MAN1A2: variants seen among roughly 807,000 people sequenced by gnomAD.
MAN1A2 encodes mannosyl-oligosaccharide 1,2-alpha-mannosidase IB.
A neutral mutation model predicts 75.7 loss-of-function variants in MAN1A2; 26 were observed. That is an observed-to-expected ratio of 0.34 (90% CI 0.25 to 0.48). The LOEUF (loss-of-function observed/expected upper bound fraction) is 0.48. Among genes scored for constraint, MAN1A2 ranks in the 20% least tolerant of loss-of-function variants. The pLI, the probability that MAN1A2 is intolerant of heterozygous loss-of-function variation, is 0.99. For missense variants in MAN1A2, 562 were observed against 775.5 expected (o/e 0.72, Z 3.27); for synonymous variants, 247 against 264.6 (o/e 0.93, Z 0.65).
intron 1 of MAN1A2, among the ~76,000 whole-genome samples, chr1:117,375,616 G>A (rs1376124428): frequency 6.6e-6 from 1 of 152,130 alleles, no homozygotes; most frequent in African/African-American, 2.4e-5. Flanking sequence ...AGTGTTTTGA[G>A]TGTTTATTAT....
Position 117,522,846 on chromosome 1 carries a change from C to T in MAN1A2, c.1815C>T (p.Ser605=), listed in dbSNP as rs148903556. ...TCAGATATTTGTATCTGCTGTTCTC[C>T]GGTGATGACCTTTTACCTTTAGACC... ...ETLKYLYLLF[S]GDDLLPLDHW... Residue 605 remains serine, a synonymous_variant, in exon 13 of 13, where the codon TCC becomes TCT. Transcript: ENST00000356554. 5.8e-5 allele frequency: 94 copies of T among 1,611,018 alleles called. 1 individual carries two copies. The South Asian group carries it at 6.7e-4, about 12-fold the overall frequency.
chr1:117,508,053 A>G (rs1375783716), intron 12 of MAN1A2, among the ~76,000 whole-genome samples: 3 of 151,654 alleles, frequency 2.0e-5, no homozygotes, highest in South Asian at 2.1e-4. Context: ...ATCACTTTAT[A>G]CCATTTACTG....
At chr1:117,391,031 G>C (rs1397122770) in intron 1 of MAN1A2, among the ~76,000 whole-genome samples, 1 of 152,042 alleles carries the variant, frequency 6.6e-6, no homozygotes, top group Non-Finnish European at 1.5e-5. Flanking sequence ...CAGTCATCTA[G>C]TTTTACTTTT....
intron 3 of MAN1A2, among the ~76,000 whole-genome samples, chr1:117,406,551 C>G (rs909152181): frequency 1.3e-5 from 2 of 151,604 alleles, no homozygotes; most frequent in African/African-American, 4.8e-5. Flanking sequence ...TGCTTTTGAT[C>G]AAAAAAGAAA....
At chr1:117,486,565 G>A (rs955751388) in intron 8 of MAN1A2, among the ~76,000 whole-genome samples, 1 of 151,880 alleles carries the variant, frequency 6.6e-6, no homozygotes, top group African/African-American at 2.4e-5. Context: ...GCTATGAAAA[G>A]GAAGCAATTA....
Position 117,375,320 on chromosome 1 carries a change from A to G in MAN1A2, c.302+6835A>G, listed in dbSNP as rs552593615. On this transcript the variant is annotated intron_variant, in intron 1 of 12. Transcript: ENST00000356554. ...TTAACAAAACACACCTCTCATGGGA[A>G]GGACTATAATTTCCTAACCTTAATA... Among the ~76,000 whole-genome samples the G allele has an allele frequency of 2.3e-3, 351 of 152,330 alleles. 5 individuals carry two copies. Among genetic ancestry groups the G allele is most frequent in the African/African-American group, 7.9e-3 (330 of 41,578 alleles).
At chr1:117,505,810 A>G (rs1651340322) in intron 12 of MAN1A2, among the ~76,000 whole-genome samples, 1 of 151,426 alleles carries the variant, frequency 6.6e-6, no homozygotes, top group African/African-American at 2.4e-5. Context: ...TAAATTGGAT[A>G]ACTCTATAAA....
chr1:117,394,670 C>G (rs890072335), intron 1 of MAN1A2, among the ~76,000 whole-genome samples: 2 of 152,108 alleles, frequency 1.3e-5, no homozygotes, highest in African/African-American at 4.8e-5. Flanking sequence ...ATGATAAAGC[C>G]AATGATCAGA....
intron 6 of MAN1A2, among the ~76,000 whole-genome samples, chr1:117,455,880 A>G (rs1392383666): frequency 2.6e-5 from 4 of 152,030 alleles, no homozygotes; most frequent in Non-Finnish European, 5.9e-5. Context: ...ATGAAAATGT[A>G]ACAAAAATCA....
At position 117,493,641 on chromosome 1, in the gene MAN1A2, C is replaced by T. The variant is rs201789090; in HGVS notation, c.1284+379C>T. 1.4e-4 allele frequency: 22 copies of T among 160,738 alleles called. No homozygotes were observed. The East Asian group carries it at 3.5e-3, about 26-fold the overall frequency. 10.0% of individuals were successfully genotyped at this position (160,738 alleles called of 1,614,324 possible). A position where few individuals can be genotyped will look rare whatever the true frequency, so the allele number is the denominator to read the frequency against. On this transcript the variant is annotated intron_variant, in intron 9 of 12. Transcript: ENST00000356554. ...ACTAAAAATACAAAAATTAGCTGGG[C>T]ATGGTGGTGCATGCCTGTAGTCCCA...
At chr1:117,460,419 A>G (rs1649779897) in intron 6 of MAN1A2, 70 bp from the exon 7 acceptor site, 2 of 1,045,822 alleles carry the variant, frequency 1.9e-6, no homozygotes, top group Non-Finnish European at 1.4e-6. Flanking sequence ...TAAAATTTAC[A>G]TATTCATTAA....
intron 8 of MAN1A2, among the ~76,000 whole-genome samples, chr1:117,469,887 G>A (rs1194088666): frequency 6.6e-6 from 1 of 152,074 alleles, no homozygotes; most frequent in Non-Finnish European, 1.5e-5. Context: ...GTAAAATGGT[G>A]CAGCTGCTGT....
rs34594031 is a variant in MAN1A2, at chr1:117,397,645, CTT to C, written c.303-4521_303-4520del. 1.2e-3 allele frequency among the ~76,000 whole-genome samples: 132 copies of C among 105,860 alleles called. 3 individuals are homozygous for C. The highest frequency in any genetic ancestry group is 6.2e-3 in the Middle Eastern group (1 of 162). 69.4% of individuals were successfully genotyped at this position (105,860 alleles called of 152,430 possible). A position where few individuals can be genotyped will look rare whatever the true frequency, so the allele number is the denominator to read the frequency against. ...AGTCAGAGCCGCTGTTTATAACCCC[CTT>C]TTTTTTTTTTTTTTTTTTTGGAGAC... On this transcript the variant is annotated intron_variant, in intron 1 of 12. Transcript: ENST00000356554.
At chr1:117,420,432 G>A (rs770015799) in intron 4 of MAN1A2, 137 bp from the exon 5 acceptor site, 16 of 644,598 alleles carry the variant, frequency 2.5e-5, no homozygotes, top group Non-Finnish European at 3.6e-5. Context: ...GATTGCAGTT[G>A]CATGAGAAAT....
Position 117,526,718 on chromosome 1 carries a change from G to T in MAN1A2, c.*3761G>T, listed in dbSNP as rs1652028922. On this transcript the variant is annotated 3_prime_UTR_variant, in exon 13 of 13. Coordinates refer to ENST00000356554, the MANE Select transcript of MAN1A2 (RefSeq NM_006699.5). ...TGGGCCCTATTAATAGTCCCATGCT[G>T]TTAAATATAAAGAAAAATATACTAA... 1 of 150,838 alleles carries T rather than the reference G, an allele frequency of 6.6e-6. No homozygotes were observed. The highest frequency in any genetic ancestry group is 6.6e-5 in the Admixed American group (1 of 15,112). 9.3% of individuals were successfully genotyped at this position (150,838 alleles called of 1,614,324 possible). A position where few individuals can be genotyped will look rare whatever the true frequency, so the allele number is the denominator to read the frequency against.
intron 1 of MAN1A2, among the ~76,000 whole-genome samples, chr1:117,399,041 A>T (rs1647321770): frequency 6.6e-6 from 1 of 152,172 alleles, no homozygotes; most frequent in Non-Finnish European, 1.5e-5. Context: ...TAAAAAGAGT[A>T]TGCAGAAAAG....
chr1:117,403,658 T>C (rs1480348649), intron 2 of MAN1A2, among the ~76,000 whole-genome samples: 2 of 152,362 alleles, frequency 1.3e-5, no homozygotes, highest in East Asian at 1.9e-4. Flanking sequence ...TTTATTCTTA[T>C]AGCTTTTTTG....
In MAN1A2 at chr1:117,474,834, A is replaced by G. The variant is rs1405709496; in HGVS notation, c.1168+8407A>G. On this transcript the variant is annotated intron_variant, in intron 8 of 12. Transcript: ENST00000356554. ...TCACCCCTTTTCCTCATACCCTTACATGTTCCTTCTCTCAACCTCCTCCCT... is the reference window on the plus strand; with the variant it reads ...TCACCCCTTTTCCTCATACCCTTACGTGTTCCTTCTCTCAACCTCCTCCCT... 3.3e-5 allele frequency among the ~76,000 whole-genome samples: 5 copies of G among 151,786 alleles called. No homozygotes were observed. In the East Asian group the frequency reaches 9.8e-4, roughly 30 times the overall value.
chr1:117,388,350 G>C lies in MAN1A2; in HGVS notation c.303-13836G>C, dbSNP rs549753988. Among the ~76,000 whole-genome samples, 7 of 152,208 alleles carry C rather than the reference G, an allele frequency of 4.6e-5. No individual in the cohort carries two copies. In the East Asian group the frequency reaches 1.3e-3, roughly 29 times the overall value. On this transcript the variant is annotated intron_variant, in intron 1 of 12. Coordinates refer to ENST00000356554, the MANE Select transcript of MAN1A2 (RefSeq NM_006699.5). ...AGATATATGTAGGCAGGGGAGACAT[G>C]GTAAAGATGCTGTATTAGGCTGTTC...
Sources: gnomAD v4.1 joint callset for allele counts (sites outside exome capture counted in the v4.1 genomes callset) on GRCh38, gnomAD v4.1.1 for gene constraint, MANE v1.5 for transcripts, NCBI Gene and HGNC (gene_info 2026-07-23, HGNC 2026-07-21) for gene names.